The following TIMM9 variants were observed in gnomAD, a reference collection of about 807,000 sequenced individuals.
TIMM9 encodes translocase of inner mitochondrial membrane 9, also known as mitochondrial import inner membrane translocase subunit Tim9.
Under a neutral mutation model 13.4 loss-of-function variants are expected in TIMM9, and 10 were observed. The ratio of observed to expected loss-of-function variants is 0.75; its 90% CI spans 0.46 to 1.26. The LOEUF is 1.26. TIMM9 is among the 50% of genes most tolerant of loss of function. The probability of loss-of-function intolerance (pLI) is 0.00; values close to 1 mark genes in which losing one functional copy is unlikely to be tolerated. For missense variants in TIMM9, 87 were observed against 100.8 expected (o/e 0.86, Z 0.58); for synonymous variants, 32 against 32.1 (o/e 1.00, Z 0.01).
chr14:58,426,552 G>C (rs759403195), intron 2 of TIMM9, among the ~76,000 whole-genome samples: 3 of 152,112 alleles, frequency 2.0e-5, no homozygotes, highest in Non-Finnish European at 4.4e-5. Flanking sequence ...AGACTGCCGA[G>C]ATGTAAAAGA....
intron 2 of TIMM9, among the ~76,000 whole-genome samples, chr14:58,425,244 T>G (rs951220559): frequency 6.6e-6 from 1 of 151,692 alleles, no homozygotes; most frequent in African/African-American, 2.4e-5. Flanking sequence ...AACCCCATCT[T>G]TACTAAAAAC....
At chr14:58,420,984 C>T (rs2036574766) in intron 3 of TIMM9, among the ~76,000 whole-genome samples, 1 of 152,094 alleles carries the variant, frequency 6.6e-6, no homozygotes, top group South Asian at 2.1e-4. Flanking sequence ...ACATTCATCT[C>T]CCATATAACC....
At chr14:58,422,084 C>T (rs934688089) in intron 3 of TIMM9, among the ~76,000 whole-genome samples, 2 of 151,112 alleles carry the variant, frequency 1.3e-5, no homozygotes, top group African/African-American at 4.9e-5. Flanking sequence ...GACTTATCAA[C>T]CCGAGGTCAG....
At position 58,420,136 on chromosome 14, in the gene TIMM9, C is replaced by T. The variant is rs548334336; in HGVS notation, c.-27+3872G>A. Among the ~76,000 whole-genome samples the T allele has an allele frequency of 2.0e-5, 3 of 151,982 alleles. No homozygotes were observed. The East Asian group carries it at 5.8e-4, about 29-fold the overall frequency. On this transcript the variant is annotated intron_variant, in intron 3 of 5. Transcript: ENST00000395159. ...AATATTAGAAAATCTGGCTTTAGGG[C>T]TAGGCAAAGAGTTCTTATATTTGAC...
chr14:58,426,935 C>G (rs1203957313), intron 2 of TIMM9, 119 bp downstream of exon 2: 3 of 152,826 alleles, frequency 2.0e-5, no homozygotes, highest in East Asian at 3.9e-4. Flanking sequence ...TTCGCACCCC[C>G]CACTGCTCCA....
At chr14:58,421,331 G>A (rs1566753556) in intron 3 of TIMM9, among the ~76,000 whole-genome samples, 1 of 152,200 alleles carries the variant, frequency 6.6e-6, no homozygotes, top group Non-Finnish European at 1.5e-5. Flanking sequence ...GTTGCCAAGG[G>A]TTAAGGAATG....
At chr14:58,421,085 T>A (rs2140338692) in intron 3 of TIMM9, among the ~76,000 whole-genome samples, 1 of 152,310 alleles carries the variant, frequency 6.6e-6, no homozygotes, top group South Asian at 2.1e-4. Context: ...GAAACTCTAT[T>A]CTTAATAATC....
chr14:58,423,151 C>T (rs1024474633), intron 3 of TIMM9, among the ~76,000 whole-genome samples: 8 of 151,972 alleles, frequency 5.3e-5, no homozygotes, highest in South Asian at 2.1e-4. Context: ...AACTCAAGAG[C>T]TAACAATCAG....
Position 58,423,562 on chromosome 14 carries a change from G to A in TIMM9, c.-27+446C>T, listed in dbSNP as rs555818152. On this transcript the variant is annotated intron_variant, in intron 3 of 5. Coordinates refer to ENST00000395159, the MANE Select transcript of TIMM9 (RefSeq NM_012460.4). ...AAAGATTATGGTATACATAATTGTAGGCAACTGGTTCAGAGAAAATACTGG... is the reference window on the plus strand; with the variant it reads ...AAAGATTATGGTATACATAATTGTAAGCAACTGGTTCAGAGAAAATACTGG... 2.6e-5 allele frequency among the ~76,000 whole-genome samples: 4 copies of A among 151,012 alleles called. No individual in the cohort carries two copies. In the South Asian group the frequency reaches 6.3e-4, roughly 24 times the overall value.
chr14:58,421,000 A>G (rs960447668), intron 3 of TIMM9, among the ~76,000 whole-genome samples: 2 of 152,144 alleles, frequency 1.3e-5, no homozygotes, highest in African/African-American at 4.8e-5. Context: ...TAACCCTGCA[A>G]TTGCATTCCT....
chr14:58,416,651 G>A (rs980218924), intron 3 of TIMM9, among the ~76,000 whole-genome samples: 12 of 152,136 alleles, frequency 7.9e-5, no homozygotes, highest in Admixed American at 7.9e-4. Flanking sequence ...TATGTTTGTC[G>A]GTTGAAGCAA....
chr14:58,418,358 C>G (rs2140332120), intron 3 of TIMM9, among the ~76,000 whole-genome samples: 1 of 152,300 alleles, frequency 6.6e-6, no homozygotes, highest in East Asian at 1.9e-4. Context: ...CTACACTATA[C>G]TTAATGGCAA....
chr14:58,420,015 C>T (rs78797433), intron 3 of TIMM9, among the ~76,000 whole-genome samples: 1 of 152,174 alleles, frequency 6.6e-6, no homozygotes, highest in African/African-American at 2.4e-5. Context: ...TGTCTCAACT[C>T]CTGGACTTAA....
chr14:58,408,886 C>T lies in TIMM9; in HGVS notation c.*148G>A, dbSNP rs2140308858. The T allele has an allele frequency of 8.6e-7, 1 of 1,166,784 alleles. No homozygotes were observed. Among genetic ancestry groups the T allele is most frequent in the South Asian group, 1.7e-5 (1 of 60,316 alleles). 72.3% of individuals were successfully genotyped at this position (1,166,784 alleles called of 1,614,324 possible). A position where few individuals can be genotyped will look rare whatever the true frequency, so the allele number is the denominator to read the frequency against. ...TTCCTGGTAAATAGCAATTTTGTTT[C>T]TCCAGCGGTTTCCATTTGCCAAACA... On this transcript the variant is annotated 3_prime_UTR_variant, in exon 6 of 6. Coordinates refer to ENST00000395159, the MANE Select transcript of TIMM9 (RefSeq NM_012460.4).
Position 58,408,533 on chromosome 14 carries a change from T to C in TIMM9, c.*501A>G, listed in dbSNP as rs2036105021. The C allele has an allele frequency of 1.1e-5, 18 of 1,613,770 alleles. No homozygotes were observed. Among genetic ancestry groups the C allele is most frequent in the Non-Finnish European group, 1.4e-5 (17 of 1,179,886 alleles). On this transcript the variant is annotated 3_prime_UTR_variant, in exon 6 of 6. Coordinates refer to ENST00000395159, the MANE Select transcript of TIMM9 (RefSeq NM_012460.4). ...ACTATTTTATGTATTCACCAGCAAT[T>C]TGAGGCAGACATGAATGAACAGGAC...
At chr14:58,419,408 T>C (rs2036516154) in intron 3 of TIMM9, among the ~76,000 whole-genome samples, 1 of 147,678 alleles carries the variant, frequency 6.8e-6, no homozygotes, top group African/African-American at 2.5e-5. Context: ...TAAGCCATGG[T>C]TGCGCCACTA....
At chr14:58,417,020 T>C (rs1327197950) in intron 3 of TIMM9, among the ~76,000 whole-genome samples, 2 of 152,106 alleles carry the variant, frequency 1.3e-5, no homozygotes, top group African/African-American at 4.8e-5. Context: ...GGGCAAGTCT[T>C]TCCCATGCTG....
At chr14:58,420,684 T>A (rs572859929) in intron 3 of TIMM9, among the ~76,000 whole-genome samples, 132 of 150,298 alleles carry the variant, frequency 8.8e-4, no homozygotes, top group African/African-American at 3.1e-3. Context: ...TCCCAGCTAC[T>A]CGGGTGGCTG....
At position 58,427,380 on chromosome 14, in the gene TIMM9, A is replaced by G; in HGVS notation, c.-304+12T>C. 1 of 462,442 alleles carries G rather than the reference A, an allele frequency of 2.2e-6. No homozygotes were observed. Among genetic ancestry groups the G allele is most frequent in the Non-Finnish European group, 3.9e-6 (1 of 256,074 alleles). 28.6% of individuals were successfully genotyped at this position (462,442 alleles called of 1,614,324 possible). A position where few individuals can be genotyped will look rare whatever the true frequency, so the allele number is the denominator to read the frequency against. On this transcript the variant is annotated intron_variant, in intron 1 of 5. Coordinates refer to ENST00000395159, the MANE Select transcript of TIMM9 (RefSeq NM_012460.4). ...CCCGAATCTGTCGAAACTTCTTGGA[A>G]GCCTAATTTACCTAATCCCACGTCC...
Sources: allele counts gnomAD v4.1 joint callset (sites outside exome capture counted in the v4.1 genomes callset), GRCh38; gene constraint gnomAD v4.1.1; transcripts MANE v1.5; gene names NCBI Gene and HGNC (gene_info 2026-07-23, HGNC 2026-07-21).